The following ROCK2 variants were observed in gnomAD, a reference collection of about 807,000 sequenced individuals.
The protein encoded by ROCK2 is Rho associated coiled-coil containing protein kinase 2.
In ROCK2, 61 loss-of-function variants were observed where a neutral mutation model predicts 195.1. That is an observed-to-expected ratio of 0.31 (90% CI 0.25 to 0.39). The LOEUF is 0.39. Among genes scored for constraint, ROCK2 ranks in the 10% least tolerant of loss-of-function variants. The pLI is 1.00. For synonymous variants in ROCK2, 504 were observed against 545.5 expected, an observed-to-expected ratio of 0.92 and a Z score of 1.06; for missense variants, 1,109 against 1,637.4, an observed-to-expected ratio of 0.68 and a Z score of 5.57.
chr2:11,181,534 G>A lies in ROCK2; in HGVS notation c.*1903C>T, dbSNP rs560553238. 6.6e-6 allele frequency: 1 copy of A among 150,950 alleles called. No individual in the cohort carries two copies. The highest frequency in any genetic ancestry group is 6.6e-5 in the Admixed American group (1 of 15,146). 9.4% of individuals were successfully genotyped at this position (150,950 alleles called of 1,614,324 possible). Reference sequence around the variant, plus strand: ...TAGCTACTCTTCAGTTTCCACAATAGTATCTATTATGGGGATCTAACTTTT... The same window carrying A: ...TAGCTACTCTTCAGTTTCCACAATAATATCTATTATGGGGATCTAACTTTT... On this transcript the variant is annotated 3_prime_UTR_variant, in exon 33 of 33. Transcript: ENST00000315872.
intron 3 of ROCK2, among the ~76,000 whole-genome samples, chr2:11,272,795 G>A (rs898245367): frequency 2.6e-5 from 4 of 151,168 alleles, no homozygotes; most frequent in South Asian, 2.1e-4. Flanking sequence ...ACTTGAACAC[G>A]GGAGACAGAG....
intron 11 of ROCK2, chr2:11,218,134 C>T (rs993269075): frequency 1.4e-5 from 3 of 212,520 alleles, no homozygotes; most frequent in East Asian, 1.0e-4. Flanking sequence ...AATATACAGG[C>T]TAATGAACTA....
chr2:11,199,296 T>C (rs1663762736), intron 23 of ROCK2, among the ~76,000 whole-genome samples: 2 of 142,402 alleles, frequency 1.4e-5, no homozygotes, highest in African/African-American at 5.0e-5. Context: ...AGTGTGGCTT[T>C]ATGTGATTTT....
chr2:11,238,889 TAGA>T (rs1665323700), intron 4 of ROCK2, among the ~76,000 whole-genome samples: 1 of 151,948 alleles, frequency 6.6e-6, no homozygotes, highest in Non-Finnish European at 1.5e-5. Flanking sequence ...CACAGTTGTA[TAGA>T]ACTGAGAACC....
At chr2:11,273,196 G>A (rs1434006341) in intron 3 of ROCK2, among the ~76,000 whole-genome samples, 2 of 149,602 alleles carry the variant, frequency 1.3e-5, no homozygotes, top group East Asian at 3.9e-4. Context: ...ATGTAAGTGA[G>A]TTAAACTCTC....
rs779078420 is a variant in ROCK2 at position 11,219,044 on chromosome 2, G to A, written c.1260-18C>T. The A allele has an allele frequency of 7.3e-7, 1 of 1,365,612 alleles. No homozygotes were observed. The allele number at this position is 1,365,612 out of a possible 1,614,324, so 84.6% of individuals were successfully genotyped here. The stretch of plus-strand genomic sequence containing the variant: ...TTAATAATCTACATGGAAGGGGGGA[G>A]AAAATAAATTTTTTCATTTCATTTT... On this transcript the variant is annotated intron_variant, in intron 9 of 32. Transcript: ENST00000315872.
At chr2:11,195,173 A>G (rs558198828) in intron 27 of ROCK2, 148 bp from the exon 28 acceptor site, 1 of 444,602 alleles carries the variant, frequency 2.2e-6, no homozygotes, top group East Asian at 3.4e-5. Flanking sequence ...ATACAGTAAT[A>G]GTACAGGATC....
chr2:11,249,499 T>C (rs891873001), intron 4 of ROCK2, among the ~76,000 whole-genome samples, 162 bp downstream of exon 4: 1 of 152,262 alleles, frequency 6.6e-6, no homozygotes, highest in Non-Finnish European at 1.5e-5. Context: ...GTGGACATAC[T>C]GTTTTGGAAC....
In ROCK2 at chr2:11,197,770, A is replaced by G. The variant is rs575703437; in HGVS notation, c.3100-65T>C. ...TAAATTACGTTTATGGTTTCTCAGT[A>G]TCTCATCAAGAGCAACAAGTTATAC... On this transcript the variant is annotated intron_variant, in intron 25 of 32. Coordinates refer to ENST00000315872, the MANE Select transcript of ROCK2 (RefSeq NM_004850.5). The surrounding 1 kb of genome is among the most constrained non-coding windows in gnomAD (Gnocchi z 4.9). 2 of 1,152,378 alleles carry G rather than the reference A, an allele frequency of 1.7e-6. No homozygotes were observed. The highest frequency in any genetic ancestry group is 3.1e-5 in the Admixed American group (1 of 32,492). The allele number at this position is 1,152,378 out of a possible 1,614,324, so 71.4% of individuals were successfully genotyped here.
intron 5 of ROCK2, among the ~76,000 whole-genome samples, chr2:11,233,463 T>A (rs1262512185): frequency 2.0e-5 from 3 of 152,158 alleles, no homozygotes; most frequent in Non-Finnish European, 2.9e-5. Context: ...TTTCTTTATG[T>A]ACCCTCTGAT....
chr2:11,207,722 T>C lies in ROCK2; in HGVS notation c.2549+4A>G. 1.3e-6 allele frequency: 2 copies of C among 1,599,736 alleles called. No homozygotes were observed. Among genetic ancestry groups the C allele is most frequent in the South Asian group, 1.1e-5 (1 of 89,362 alleles). ...TATTAAAACATCTCAATCAATTAAC[T>C]TACTTTCGAAGTTCAGCATTTTGTT... is the stretch of plus-strand genomic sequence containing the variant. On this transcript the variant is annotated splice_donor_region_variant and intron_variant, in intron 20 of 32. Transcript: ENST00000315872.
rs746902939 is a variant in ROCK2 at position 11,199,494 on chromosome 2, A to AT, written c.2911-721dup. On this transcript the variant is annotated intron_variant, in intron 23 of 32. Coordinates refer to ENST00000315872, the MANE Select transcript of ROCK2 (RefSeq NM_004850.5). ...GAACCACCACACCTGGATAAAAAAAATTTTTTTTTTTTTTTGGTAGAAACA... is the reference window on the plus strand; with the variant it reads ...GAACCACCACACCTGGATAAAAAAAATTTTTTTTTTTTTTTTGGTAGAAACA... 1.3e-3 allele frequency among the ~76,000 whole-genome samples: 188 copies of AT among 139,786 alleles called. 1 individual carries two copies. Among genetic ancestry groups the AT allele is most frequent in the Middle Eastern group, 3.7e-3 (1 of 270 alleles). The allele number at this position is 139,786 out of a possible 152,430, so 91.7% of individuals were successfully genotyped here.
At chr2:11,333,577 C>T (rs1668833783) in intron 1 of ROCK2, among the ~76,000 whole-genome samples, 2 of 152,070 alleles carry the variant, frequency 1.3e-5, no homozygotes, top group Non-Finnish European at 2.9e-5. Context: ...GCCAAATCAA[C>T]ACATGAGAAA....
chr2:11,241,054 C>G (rs193110406), intron 4 of ROCK2, among the ~76,000 whole-genome samples: 41 of 152,146 alleles, frequency 2.7e-4, no homozygotes, highest in Non-Finnish European at 4.1e-4. Context: ...GAGAGAAAAA[C>G]TGGAAAAAAC....
intron 5 of ROCK2, chr2:11,233,885 A>T (rs1665111163): frequency 6.6e-6 from 1 of 152,174 alleles, no homozygotes; most frequent in African/African-American, 2.4e-5. Context: ...TATAAAATAA[A>T]AGCAAGATGA....
intron 3 of ROCK2, among the ~76,000 whole-genome samples, chr2:11,278,755 G>A (rs1037601385): frequency 8.5e-5 from 13 of 152,082 alleles, no homozygotes; most frequent in African/African-American, 2.7e-4. Context: ...TGGGATTACA[G>A]GTGCCTGCCG....
intron 1 of ROCK2, among the ~76,000 whole-genome samples, chr2:11,309,859 T>C (rs1258404791): frequency 6.6e-6 from 1 of 152,020 alleles, no homozygotes; most frequent in Non-Finnish European, 1.5e-5. Flanking sequence ...GTTATGCCTG[T>C]AGTCCCAGCT....
intron 3 of ROCK2, among the ~76,000 whole-genome samples, chr2:11,285,001 G>C (rs1046132090): frequency 1.3e-5 from 2 of 152,122 alleles, no homozygotes; most frequent in Non-Finnish European, 2.9e-5. Context: ...AGTGGCTCAC[G>C]CCTGTAATCC....
At chr2:11,287,377 T>C (rs1349858141) in intron 2 of ROCK2, among the ~76,000 whole-genome samples, 1 of 152,214 alleles carries the variant, frequency 6.6e-6, no homozygotes, top group African/African-American at 2.4e-5. Flanking sequence ...AATTTAAAAC[T>C]TCTCTTCAAA....
Sources: gnomAD v4.1 joint callset for allele counts (sites outside exome capture counted in the v4.1 genomes callset) on GRCh38, gnomAD v4.1.1 for gene constraint, Gnocchi (gnomAD v3.1) non-coding constraint, MANE v1.5 for transcripts, NCBI Gene and HGNC (gene_info 2026-07-23, HGNC 2026-07-21) for gene names.